Variants in CMTM4 observed in about 807,000 individuals in gnomAD.
The protein encoded by CMTM4 is CKLF like MARVEL transmembrane domain containing 4.
Under a neutral mutation model 19.0 loss-of-function variants are expected in CMTM4, and 8 were observed. The observed-to-expected ratio is 0.42, with a 90% CI of 0.25 to 0.76. CMTM4 has a LOEUF of 0.76. Among genes scored for constraint, CMTM4 ranks in the 30% least tolerant of loss-of-function variants. CMTM4 has a pLI of 0.27. For synonymous variants in CMTM4, 106 were observed against 121.1 expected (o/e 0.88, Z 0.82); for missense variants, 228 against 290.2 (o/e 0.79, Z 1.56).
intron 3 of CMTM4, 141 bp downstream of exon 3, chr16:66,623,263 C>T (rs776005216): frequency 4.2e-5 from 25 of 597,260 alleles, no homozygotes; most frequent in Admixed American, 6.4e-5. Context: ...ACTGAAGGGA[C>T]TGGGACCCCC....
In CMTM4 at chr16:66,620,850, C is replaced by T. The variant is rs1413495724; in HGVS notation, c.*1208G>A. ...CTCTAATTTTTTAAAAAAACTACTG[C>T]ATCATGGGGACTCACTGAACTCATT... On this transcript the variant is annotated 3_prime_UTR_variant, in exon 4 of 4. Transcript: ENST00000394106. The T allele has an allele frequency of 8.1e-6, 8 of 985,484 alleles. No homozygotes were observed. The Admixed American group carries it at 4.9e-4, about 61-fold the overall frequency. The allele number at this position is 985,484 out of a possible 1,614,324, so 61.0% of individuals were successfully genotyped here. A position where few individuals can be genotyped will look rare whatever the true frequency, so the allele number is the denominator to read the frequency against.
At chr16:66,647,969 C>T (rs1215724470) in intron 1 of CMTM4, among the ~76,000 whole-genome samples, 1 of 152,192 alleles carries the variant, frequency 6.6e-6, no homozygotes, top group Non-Finnish European at 1.5e-5. Context: ...CACTTGAATC[C>T]AAAGCAACTC....
intron 1 of CMTM4, among the ~76,000 whole-genome samples, chr16:66,693,055 C>A (rs1401681380): frequency 6.6e-6 from 1 of 151,762 alleles, no homozygotes; most frequent in Non-Finnish European, 1.5e-5. Flanking sequence ...GAAACCCCGT[C>A]TCCACTAAAA....
At chr16:66,599,755 C>T in the CMTM4 span, among the ~76,000 whole-genome samples, 60 of 152,238 alleles carry the variant, frequency 3.9e-4, no homozygotes, top group African/African-American at 1.4e-3. Context: ...GGTCTTTTTT[C>T]CAGTATTAAC....
chr16:66,656,690 G>T (rs757584102), intron 1 of CMTM4, among the ~76,000 whole-genome samples: 1 of 151,662 alleles, frequency 6.6e-6, no homozygotes, highest in Non-Finnish European at 1.5e-5. Context: ...TGGAGAATCT[G>T]GGCAGACATC....
Position 66,630,679 on chromosome 16 carries a change from G to A in CMTM4, c.363+5726C>T, listed in dbSNP as rs193166290. 8.7e-5 allele frequency among the ~76,000 whole-genome samples: 13 copies of A among 150,228 alleles called. No individual in the cohort carries two copies. The South Asian group carries it at 1.7e-3, about 20-fold the overall frequency. ...GGCTGGAGTGCAGTGGCGTGATCTC[G>A]GCTCGCTACAACCTCCACCTCCCAG... On this transcript the variant is annotated intron_variant, in intron 2 of 3. Transcript: ENST00000394106.
At chr16:66,628,814 A>G (rs1463324383) in intron 2 of CMTM4, among the ~76,000 whole-genome samples, 2 of 152,192 alleles carry the variant, frequency 1.3e-5, no homozygotes, top group African/African-American at 2.4e-5. Context: ...TTATTACTGA[A>G]TAATATTCCA....
chr16:66,633,308 CT>C (rs1468611487), intron 2 of CMTM4, among the ~76,000 whole-genome samples: 2 of 151,734 alleles, frequency 1.3e-5, no homozygotes, highest in East Asian at 3.9e-4. Context: ...CTGGAATGAC[CT>C]GTGTTTTTAA....
the CMTM4 span, chr16:66,604,640 G>C: frequency 1.6e-3 from 761 of 482,344 alleles, 10 homozygotes; most frequent in East Asian, 0.013. Context: ...GGGAGGGGCG[G>C]GCTGGAGGAG....
At chr16:66,668,165 AT>A (rs111400398) in intron 1 of CMTM4, among the ~76,000 whole-genome samples, 24,032 of 139,536 alleles carry the variant, frequency 0.17, 1,975 homozygotes, top group East Asian at 0.26. Flanking sequence ...CAACAGAGCT[AT>A]TTTTTTTTTT....
At chr16:66,659,718 C>A (rs934477697) in intron 1 of CMTM4, among the ~76,000 whole-genome samples, 5 of 152,148 alleles carry the variant, frequency 3.3e-5, no homozygotes, top group African/African-American at 1.2e-4. Flanking sequence ...GAGATGCATA[C>A]TTCATATTTA....
intron 1 of CMTM4, among the ~76,000 whole-genome samples, chr16:66,642,939 G>A (rs751136485): frequency 2.0e-5 from 3 of 152,072 alleles, no homozygotes; most frequent in South Asian, 2.1e-4. Context: ...GTTTTGTTTC[G>A]TTTGTTGCCA....
intron 2 of CMTM4, among the ~76,000 whole-genome samples, chr16:66,628,769 T>C (rs1299670591): frequency 6.6e-6 from 1 of 152,246 alleles, no homozygotes; most frequent in African/African-American, 2.4e-5. Context: ...CTAAGGTTTA[T>C]TCATGTTGTA....
chr16:66,632,990 CAGG>C (rs1426316618), intron 2 of CMTM4, among the ~76,000 whole-genome samples: 1 of 151,258 alleles, frequency 6.6e-6, no homozygotes, highest in African/African-American at 2.4e-5. Flanking sequence ...GAGGCTGAGG[CAGG>C]AGAATCGTTT....
intron 1 of CMTM4, among the ~76,000 whole-genome samples, chr16:66,686,628 G>T (rs990137189): frequency 6.6e-6 from 1 of 151,752 alleles, no homozygotes; most frequent in African/African-American, 2.4e-5. Context: ...GGAGCCATTA[G>T]GACTTACAGA....
At chr16:66,604,051 T>TGA in the CMTM4 span, 77 of 150,826 alleles carry the variant, frequency 5.1e-4, no homozygotes, top group South Asian at 0.01. Context: ...TGTGTGTGTG[T>TGA]GAGAGAGAGA....
chr16:66,638,215 A>G (rs538216576), intron 1 of CMTM4, among the ~76,000 whole-genome samples: 29 of 152,154 alleles, frequency 1.9e-4, no homozygotes, highest in Non-Finnish European at 3.7e-4. Flanking sequence ...TTTAGGGGGC[A>G]GGGTAGTCCA....
intron 1 of CMTM4, among the ~76,000 whole-genome samples, chr16:66,687,682 A>AT (rs1176777153): frequency 0.091 from 8,472 of 93,176 alleles, 823 homozygotes; most frequent in African/African-American, 0.25. Flanking sequence ...AAAAAGGGTA[A>AT]TTTTTTTTTT....
At chr16:66,689,674 T>C (rs751275603) in intron 1 of CMTM4, among the ~76,000 whole-genome samples, 2 of 152,242 alleles carry the variant, frequency 1.3e-5, no homozygotes, top group Non-Finnish European at 2.9e-5. Context: ...CCCAAAGTGC[T>C]GGGACTACAG....
Sources: allele counts gnomAD v4.1 joint callset (sites outside exome capture counted in the v4.1 genomes callset), GRCh38; gene constraint gnomAD v4.1.1; transcripts MANE v1.5; gene names NCBI Gene and HGNC (gene_info 2026-07-23, HGNC 2026-07-21).